The following MMP24 variants were observed in gnomAD, a reference collection of about 807,000 sequenced individuals.
MMP24 encodes the protein matrix metallopeptidase 24, also known as matrix metalloproteinase-24.
Under a neutral mutation model 62.8 loss-of-function variants are expected in MMP24, and 25 were observed. The observed-to-expected ratio is 0.40, with a 90% confidence interval of 0.29 to 0.56. The LOEUF is 0.56. MMP24 is among the 20% of genes least tolerant of loss of function. The pLI is 0.50. For synonymous variants in MMP24, 319 were observed against 350.5 expected (o/e 0.91, Z 1.00); for missense variants, 634 against 853.6 (o/e 0.74, Z 3.21).
intron 5 of MMP24, among the ~76,000 whole-genome samples, chr20:35,264,504 C>T (rs893739587): frequency 6.6e-6 from 1 of 151,804 alleles, no homozygotes; most frequent in East Asian, 1.9e-4. Flanking sequence ...CCAGTCTGGC[C>T]AACATGGTGA....
intron 4 of MMP24, among the ~76,000 whole-genome samples, chr20:35,257,425 T>A (rs761710812): frequency 6.6e-6 from 1 of 152,208 alleles, no homozygotes; most frequent in Non-Finnish European, 1.5e-5. Context: ...ACAGATAAGA[T>A]GTGAGGAGAA....
At chr20:35,252,084 C>A in intron 3 of MMP24, 63 bp downstream of exon 3, 1 of 1,365,696 alleles carries the variant, frequency 7.3e-7, no homozygotes, top group Non-Finnish European at 1.0e-6. Flanking sequence ...TTTTCCTGGC[C>A]TGAGTTTCAA....
chr20:35,274,677 G>T lies in MMP24; in HGVS notation c.*68G>T. 1 of 1,374,940 alleles carries T rather than the reference G, an allele frequency of 7.3e-7. No homozygotes were observed. The highest frequency in any genetic ancestry group is 1.4e-5 in the South Asian group (1 of 71,138). 85.2% of individuals were successfully genotyped at this position (1,374,940 alleles called of 1,614,324 possible). ...GCCCTTCCTCACCAGGGTCTGAGGGGCAGCTCTGGCCAGTGCTCACCAGGG... is the reference window on the plus strand; with the variant it reads ...GCCCTTCCTCACCAGGGTCTGAGGGTCAGCTCTGGCCAGTGCTCACCAGGG... On this transcript the variant is annotated 3_prime_UTR_variant, in exon 9 of 9. Coordinates refer to ENST00000246186, the MANE Select transcript of MMP24 (RefSeq NM_006690.4). The surrounding 1 kb of genome is among the most constrained non-coding windows in gnomAD (Gnocchi z 5.1).
intron 1 of MMP24, among the ~76,000 whole-genome samples, chr20:35,230,374 A>AT (rs201399952): frequency 0.012 from 1,897 of 152,232 alleles, 21 homozygotes; most frequent in South Asian, 0.038. Flanking sequence ...AAAATGTTTT[A>AT]TTTTTTTACA....
At chr20:35,272,067 G>T in intron 8 of MMP24, 1 of 591,982 alleles carries the variant, frequency 1.7e-6, no homozygotes, top group Non-Finnish European at 3.0e-6. Flanking sequence ...CGTTGTCATA[G>T]ACTGACTTCA....
intron 1 of MMP24, among the ~76,000 whole-genome samples, chr20:35,243,457 T>G (rs1442899158): frequency 2.0e-5 from 3 of 152,332 alleles, no homozygotes; most frequent in Non-Finnish European, 4.4e-5. Context: ...CTTTATTTTT[T>G]CAGAGCCTCG....
In MMP24 at chr20:35,271,924, C is replaced by T. The variant is rs764345730; in HGVS notation, c.1600+89C>T. On this transcript the variant is annotated intron_variant, in intron 8 of 8. Coordinates refer to ENST00000246186, the MANE Select transcript of MMP24 (RefSeq NM_006690.4). This position sits in a 1 kb window ranked among gnomAD's most constrained non-coding sequence, Gnocchi z 4.0. ...CACGGGCATACTCAGTGCCCATGGG[C>T]GTCCAGGTTTGAAAAAACACCTGGT... The T allele has an allele frequency of 2.7e-5, 38 of 1,414,498 alleles. No individual in the cohort carries two copies. The highest frequency in any genetic ancestry group is 3.1e-5 in the Non-Finnish European group (33 of 1,071,174). 87.6% of individuals were successfully genotyped at this position (1,414,498 alleles called of 1,614,324 possible).
At chr20:35,272,109 C>T (rs1316405451) in intron 8 of MMP24, 3 of 540,910 alleles carry the variant, frequency 5.5e-6, no homozygotes, top group Non-Finnish European at 9.7e-6. Context: ...AAACACTTAT[C>T]CTCAGTGTAC....
At chr20:35,236,269 C>T (rs893224647) in intron 1 of MMP24, 1 of 152,212 alleles carries the variant, frequency 6.6e-6, no homozygotes, top group Non-Finnish European at 1.5e-5. Context: ...AGAAAACCCT[C>T]TGAGAGGCAG....
chr20:35,253,868 G>GTT lies in MMP24; in HGVS notation c.513-565_513-564dup, dbSNP rs11474068. On this transcript the variant is annotated intron_variant, in intron 3 of 8. Coordinates refer to ENST00000246186, the MANE Select transcript of MMP24 (RefSeq NM_006690.4). ...AATGCTATCTACCAATTTCCTTTGGGTTTTTTTTTTTTTTTTTTGAGACAG... is the reference window on the plus strand; with the variant it reads ...AATGCTATCTACCAATTTCCTTTGGGTTTTTTTTTTTTTTTTTTTTGAGACAG... 1.0e-3 allele frequency among the ~76,000 whole-genome samples: 136 copies of GTT among 130,070 alleles called. 1 individual carries two copies. The highest frequency in any genetic ancestry group is 4.9e-3 in the South Asian group (20 of 4,096). 85.3% of individuals were successfully genotyped at this position (130,070 alleles called of 152,430 possible). A position where few individuals can be genotyped will look rare whatever the true frequency, so the allele number is the denominator to read the frequency against.
intron 1 of MMP24, among the ~76,000 whole-genome samples, chr20:35,243,674 TAA>T (rs1274959415): frequency 6.6e-6 from 1 of 152,134 alleles, no homozygotes; most frequent in African/African-American, 2.4e-5. Context: ...CCCAATCTTA[TAA>T]TATCTATAAT....
intron 7 of MMP24, among the ~76,000 whole-genome samples, chr20:35,270,242 G>C (rs2060661602): frequency 6.6e-6 from 1 of 152,230 alleles, no homozygotes; most frequent in Non-Finnish European, 1.5e-5. Context: ...GTGGGAGGGA[G>C]CTAAGGTGCC....
At chr20:35,255,982 CTG>C (rs1377694577) in intron 4 of MMP24, 1 of 152,122 alleles carries the variant, frequency 6.6e-6, no homozygotes, top group Non-Finnish European at 1.5e-5. Flanking sequence ...CTACCCAAGG[CTG>C]TAGCAGAGGC....
rs1269464628 is a variant in MMP24, at chr20:35,276,833, C to T, written c.*2224C>T. Reference sequence around the variant, plus strand: ...TGCCTGTGGTCATCTGTTTGTCCATCACCCCAGGACAGGGCAGACAGAGGG... The same window carrying T: ...TGCCTGTGGTCATCTGTTTGTCCATTACCCCAGGACAGGGCAGACAGAGGG... On this transcript the variant is annotated 3_prime_UTR_variant, in exon 9 of 9. Transcript: ENST00000246186. The T allele has an allele frequency of 6.5e-6, 1 of 152,930 alleles. No homozygotes were observed. Among genetic ancestry groups the T allele is most frequent in the South Asian group, 2.1e-4 (1 of 4,836 alleles). 9.5% of individuals were successfully genotyped at this position (152,930 alleles called of 1,614,324 possible).
chr20:35,265,324 C>A (rs1022844970), intron 5 of MMP24, among the ~76,000 whole-genome samples: 1 of 152,074 alleles, frequency 6.6e-6, no homozygotes, highest in Non-Finnish European at 1.5e-5. Context: ...CGCCTATAAT[C>A]CCAGCTACTT....
At chr20:35,243,244 A>G (rs2060497836) in intron 1 of MMP24, among the ~76,000 whole-genome samples, 1 of 151,878 alleles carries the variant, frequency 6.6e-6, no homozygotes, top group Admixed American at 6.6e-5. Flanking sequence ...GCAATTGCAC[A>G]TGCTGTATAC....
At chr20:35,238,452 G>C (rs969430284) in intron 1 of MMP24, among the ~76,000 whole-genome samples, 2 of 152,182 alleles carry the variant, frequency 1.3e-5, no homozygotes, top group African/African-American at 4.8e-5. Flanking sequence ...AAGAGGCCAA[G>C]GCTCCCCAAA....
intron 1 of MMP24, among the ~76,000 whole-genome samples, chr20:35,240,676 C>T (rs1157263184): frequency 6.6e-6 from 1 of 151,842 alleles, no homozygotes; most frequent in Admixed American, 6.6e-5. Flanking sequence ...TTTTTTGAAA[C>T]CTCTAATAGA....
intron 4 of MMP24, among the ~76,000 whole-genome samples, chr20:35,255,246 G>A (rs1210682844): frequency 3.3e-5 from 5 of 151,924 alleles, no homozygotes; most frequent in African/African-American, 7.3e-5. Context: ...CATGAGAATC[G>A]CTTGAACCCA....
Sources: gnomAD v4.1 joint callset for allele counts (sites outside exome capture counted in the v4.1 genomes callset) on GRCh38, gnomAD v4.1.1 for gene constraint, Gnocchi (gnomAD v3.1) non-coding constraint, MANE v1.5 for transcripts, NCBI Gene and HGNC (gene_info 2026-07-23, HGNC 2026-07-21) for gene names.